The following GRAMD1C variants were observed in gnomAD, a reference collection of about 807,000 sequenced individuals.
GRAMD1C encodes protein Aster-C.
A neutral mutation model predicts 97.8 loss-of-function variants in GRAMD1C; 89 were observed. The ratio of observed to expected loss-of-function variants is 0.91; its 90% confidence interval spans 0.77 to 1.09. GRAMD1C has a LOEUF of 1.09. GRAMD1C is among the 50% of genes least tolerant of loss of function. GRAMD1C has a pLI of 0.00. For synonymous variants in GRAMD1C, 256 were observed against 267.0 expected (o/e 0.96, Z 0.40); for missense variants, 740 against 766.4 (o/e 0.97, Z 0.41).
At chr3:113,917,451 G>A (rs1161198806) in intron 10 of GRAMD1C, among the ~76,000 whole-genome samples, 4 of 151,768 alleles carry the variant, frequency 2.6e-5, no homozygotes, top group Non-Finnish European at 5.9e-5. Flanking sequence ...AGCCTCCTGA[G>A]TAGCTGGGAT....
intron 1 of GRAMD1C, among the ~76,000 whole-genome samples, chr3:113,840,420 T>C (rs1709754461): frequency 6.6e-6 from 1 of 152,034 alleles, no homozygotes; most frequent in African/African-American, 2.4e-5. Flanking sequence ...ACCTGCACCA[T>C]TTGAATTTGA....
At chr3:113,853,633 G>A (rs1175921151) in intron 2 of GRAMD1C, among the ~76,000 whole-genome samples, 1 of 152,176 alleles carries the variant, frequency 6.6e-6, no homozygotes, top group Admixed American at 6.5e-5. Context: ...TTCTATGCAC[G>A]AGAATGTTCT....
chr3:113,908,103 C>T (rs1936432484), intron 8 of GRAMD1C, among the ~76,000 whole-genome samples: 1 of 152,164 alleles, frequency 6.6e-6, no homozygotes, highest in South Asian at 2.1e-4. Context: ...GCTGATTCTG[C>T]TACTTAGTGC....
Position 113,851,101 on chromosome 3 carries a change from C to G in GRAMD1C, c.174+6452C>G, listed in dbSNP as rs1489500951. 2.0e-5 allele frequency among the ~76,000 whole-genome samples: 3 copies of G among 152,172 alleles called. No homozygotes were observed. In the East Asian group the frequency reaches 5.8e-4, roughly 29 times the overall value. On this transcript the variant is annotated intron_variant, in intron 2 of 17. Transcript: ENST00000358160. ...ACACGCGTGAGCCACTGCACCCGGCCTATACTTCTTTAATAGCAGATTTAG... is the reference window on the plus strand; with the variant it reads ...ACACGCGTGAGCCACTGCACCCGGCGTATACTTCTTTAATAGCAGATTTAG...
chr3:113,915,866 T>C, intron 10 of GRAMD1C, 28 bp downstream of exon 10: 3 of 1,535,804 alleles, frequency 2.0e-6, no homozygotes, highest in Non-Finnish European at 2.7e-6. Context: ...TACCTAATGA[T>C]AAATTTGGGA....
chr3:113,833,510 G>A (rs1559769577), intron 1 of GRAMD1C, among the ~76,000 whole-genome samples: 1 of 152,030 alleles, frequency 6.6e-6, no homozygotes. Flanking sequence ...CAAGGCAGGT[G>A]TCCTACCCTT....
At chr3:113,908,572 G>A (rs1936450016) in intron 8 of GRAMD1C, among the ~76,000 whole-genome samples, 1 of 152,064 alleles carries the variant, frequency 6.6e-6, no homozygotes. Context: ...AGATGATGGG[G>A]CAGGCACTGG....
At chr3:113,924,714 C>T (rs921375171) in intron 10 of GRAMD1C, among the ~76,000 whole-genome samples, 3 of 152,066 alleles carry the variant, frequency 2.0e-5, no homozygotes, top group Admixed American at 1.3e-4. Flanking sequence ...AGAGTATGTG[C>T]CAGGTGCAAA....
chr3:113,856,477 C>A (rs945368146), intron 2 of GRAMD1C, among the ~76,000 whole-genome samples: 6 of 152,140 alleles, frequency 3.9e-5, no homozygotes, highest in Non-Finnish European at 8.8e-5. Context: ...ACTGCCACCC[C>A]CTATGTTACC....
chr3:113,868,278 G>A (rs1458642077), intron 2 of GRAMD1C, among the ~76,000 whole-genome samples: 3 of 151,992 alleles, frequency 2.0e-5, no homozygotes, highest in Non-Finnish European at 4.4e-5. Context: ...TTCAATGTCT[G>A]GGGACCCTCA....
intron 5 of GRAMD1C, among the ~76,000 whole-genome samples, chr3:113,881,951 G>T (rs896711894): frequency 3.9e-5 from 6 of 152,180 alleles, no homozygotes; most frequent in African/African-American, 1.2e-4. Flanking sequence ...AATATTATTT[G>T]TTTGATATTT....
chr3:113,927,065 C>CCCTTTGTTTTCACAGGTGTCA (rs1164072746), intron 10 of GRAMD1C, among the ~76,000 whole-genome samples: 2 of 151,900 alleles, frequency 1.3e-5, no homozygotes, highest in African/African-American at 2.4e-5. Context: ...CTGGTGGGAA[C>CCCTTTGTTTTCACAGGTGTCA]CCTTTGTTTT....
intron 7 of GRAMD1C, among the ~76,000 whole-genome samples, chr3:113,901,853 G>A (rs1390884376): frequency 6.6e-6 from 1 of 152,130 alleles, no homozygotes; most frequent in Non-Finnish European, 1.5e-5. Flanking sequence ...AGTGAAAAAA[G>A]CCAGTCACAA....
At chr3:113,881,052 T>C (rs1935238736) in intron 5 of GRAMD1C, among the ~76,000 whole-genome samples, 1 of 152,208 alleles carries the variant, frequency 6.6e-6, no homozygotes, top group Admixed American at 6.5e-5. Context: ...GGTTCTAGAA[T>C]ATGTTCTATG....
At chr3:113,900,555 G>A (rs1178547422) in intron 6 of GRAMD1C, among the ~76,000 whole-genome samples, 1 of 150,068 alleles carries the variant, frequency 6.7e-6, no homozygotes, top group East Asian at 2.0e-4. Context: ...TGAATAGCTG[G>A]GACTATAGGT....
At position 113,909,110 on chromosome 3, in the gene GRAMD1C, T is replaced by C. The variant is rs781130883; in HGVS notation, c.942T>C (p.Ser314=). The change falls in exon 9 of 18, where the codon TCT becomes TCC. Residue 314 remains serine (S), a synonymous_variant. Transcript: ENST00000358160. ...TGGACAAAAGCAGCACTTCAGATTCTGTTGATGAAGGTAAATAATTTCTTA... is the reference window on the plus strand; with the variant it reads ...TGGACAAAAGCAGCACTTCAGATTCCGTTGATGAAGGTAAATAATTTCTTA... The part of the protein sequence containing the change: ...LSLDKSSTSD[S]VDEENVPEKD... The C allele has an allele frequency of 1.3e-6, 2 of 1,486,574 alleles. No homozygotes were observed. The highest frequency in any genetic ancestry group is 4.9e-5 in the Admixed American group (2 of 40,542). 92.1% of individuals were successfully genotyped at this position (1,486,574 alleles called of 1,614,324 possible).
chr3:113,910,708 G>A (rs930639281), intron 9 of GRAMD1C, among the ~76,000 whole-genome samples: 12 of 152,068 alleles, frequency 7.9e-5, no homozygotes, highest in African/African-American at 2.4e-4. Context: ...CAAAGTCAAC[G>A]GATGTGGGTA....
At position 113,940,281 on chromosome 3, in the gene GRAMD1C, AG is replaced by A. The variant is rs747284284; in HGVS notation, c.1845del (p.Asn616IlefsTer8). ...GTGTCAAGAGCAGAAACTATTCAGA[AG>A]AATAAAGATCAGGCCCATCGTTTAA... ...DMVSRAETIQ[K>X]NKDQAHRLKG... On this transcript the variant is annotated frameshift_variant, in exon 17 of 18. Coordinates refer to ENST00000358160, the MANE Select transcript of GRAMD1C (RefSeq NM_017577.5). LOFTEE classifies it high-confidence loss of function. The A allele has an allele frequency of 5.9e-5, 95 of 1,611,074 alleles. No individual in the cohort carries two copies. Among genetic ancestry groups the A allele is most frequent in the Non-Finnish European group, 7.1e-5 (83 of 1,177,260 alleles).
chr3:113,930,672 T>G (rs1937380003), intron 10 of GRAMD1C, 42 bp from the exon 11 acceptor site: 2 of 1,019,494 alleles, frequency 2.0e-6, no homozygotes, highest in South Asian at 2.6e-5. Flanking sequence ...TCATACTGTT[T>G]AAGTTTCTAG....
Sources: gnomAD v4.1 joint callset for allele counts (sites outside exome capture counted in the v4.1 genomes callset) on GRCh38, gnomAD v4.1.1 for gene constraint, MANE v1.5 for transcripts, NCBI Gene and HGNC (gene_info 2026-07-23, HGNC 2026-07-21) for gene names.